The following ZNF25 variants were observed in gnomAD, a reference collection of about 807,000 sequenced individuals.
ZNF25 encodes the protein zinc finger protein 25 (KOX 19).
A neutral mutation model predicts 30.9 loss-of-function variants in ZNF25; 21 were observed. The ratio of observed to expected loss-of-function variants is 0.68; its 90% CI spans 0.48 to 0.98. The LOEUF is 0.98. Ranked by LOEUF, ZNF25 falls within the 50% of genes least tolerant of loss-of-function variation. The pLI, the probability that ZNF25 is intolerant of heterozygous loss-of-function variation, is 0.00. For missense variants in ZNF25, 501 were observed against 529.9 expected (o/e 0.95, Z 0.54); for synonymous variants, 169 against 181.3 (o/e 0.93, Z 0.55).
At chr10:37,963,115 T>C (rs535301441) in intron 2 of ZNF25, among the ~76,000 whole-genome samples, 25 of 151,532 alleles carry the variant, frequency 1.6e-4, no homozygotes, top group Non-Finnish European at 2.9e-4. Flanking sequence ...TCTATTTATT[T>C]ATTTATTTAT....
At chr10:37,962,764 A>G (rs1371458183) in intron 2 of ZNF25, among the ~76,000 whole-genome samples, 3 of 152,232 alleles carry the variant, frequency 2.0e-5, no homozygotes, top group African/African-American at 7.2e-5. Flanking sequence ...GGATAATAAA[A>G]GAATACTAAG....
chr10:37,961,260 C>T (rs2062853331), intron 2 of ZNF25, among the ~76,000 whole-genome samples: 1 of 152,138 alleles, frequency 6.6e-6, no homozygotes, highest in Admixed American at 6.5e-5. Context: ...CGTTGAAATA[C>T]ATCTGTATTT....
chr10:37,971,885 T>C (rs2063512790), intron 1 of ZNF25, 78 bp from the exon 2 acceptor site: 2 of 920,456 alleles, frequency 2.2e-6, no homozygotes, highest in South Asian at 1.5e-5. Context: ...TTAGAAAGCA[T>C]AGTAAGGACC....
rs922231424 is a variant in ZNF25, at chr10:37,976,513, G to A, written c.-93C>T. ...CAAAAGCCTTCGACACACCTGCAGG[G>A]TCTCGGCCTCTGCTCCCGGCCCGCG... On this transcript the variant is annotated 5_prime_UTR_variant, in exon 1 of 6. Coordinates refer to ENST00000302609, the MANE Select transcript of ZNF25 (RefSeq NM_145011.4). 3 of 152,424 alleles carry A rather than the reference G, an allele frequency of 2.0e-5. No homozygotes were observed. Among genetic ancestry groups the A allele is most frequent in the Admixed American group, 1.3e-4 (2 of 15,286 alleles). 9.4% of individuals were successfully genotyped at this position (152,424 alleles called of 1,614,324 possible). A position where few individuals can be genotyped will look rare whatever the true frequency, so the allele number is the denominator to read the frequency against.
intron 2 of ZNF25, among the ~76,000 whole-genome samples, chr10:37,964,661 T>C (rs1297774828): frequency 6.6e-6 from 1 of 152,062 alleles, no homozygotes; most frequent in African/African-American, 2.4e-5. Flanking sequence ...TTTGATCAAA[T>C]ATAGGAGCAA....
intron 2 of ZNF25, among the ~76,000 whole-genome samples, chr10:37,967,732 C>G (rs967516602): frequency 6.6e-6 from 1 of 152,056 alleles, no homozygotes; most frequent in African/African-American, 2.4e-5. Flanking sequence ...ACGAGGCTGT[C>G]AAGACCATTC....
At chr10:37,975,004 C>A (rs762899309) in intron 1 of ZNF25, among the ~76,000 whole-genome samples, 23 of 152,068 alleles carry the variant, frequency 1.5e-4, no homozygotes, top group African/African-American at 2.2e-4. Context: ...ATGAAATAAG[C>A]CAGGCACAGA....
In ZNF25 at chr10:37,952,738, CT is replaced by C. The variant is rs1387789535; in HGVS notation, c.759del (p.Glu255ArgfsTer127). On this transcript the variant is annotated frameshift_variant, in exon 6 of 6. Transcript: ENST00000302609. LOFTEE classifies it high-confidence loss of function. ...AYLMVHQKTH[T>X]GEKPYECKEC... The stretch of plus-strand genomic sequence containing the variant: ...TCCTTACACTCATAGGGTTTCTCCC[CT>C]GTGTGTGTTTTCTGATGTACCATGA... The C allele has an allele frequency of 3.1e-6, 5 of 1,613,866 alleles. No homozygotes were observed. The highest frequency in any genetic ancestry group is 2.2e-5 in the East Asian group (1 of 44,846).
intron 1 of ZNF25, among the ~76,000 whole-genome samples, chr10:37,975,399 CTAAAA>C (rs2063749929): frequency 1.5e-5 from 2 of 129,072 alleles, no homozygotes; most frequent in Non-Finnish European, 3.4e-5. Context: ...AAAAAAAAAA[CTAAAA>C]TAAGCAGCAA....
chr10:37,968,247 G>A (rs960837780), intron 2 of ZNF25, among the ~76,000 whole-genome samples: 1 of 151,880 alleles, frequency 6.6e-6, no homozygotes, highest in Non-Finnish European at 1.5e-5. Flanking sequence ...TAACAGACAT[G>A]GAGTTTCACC....
rs1478205810 is a variant in ZNF25, at chr10:37,952,197, GT to G, written c.1300del (p.Thr434ProfsTer54). The G allele has an allele frequency of 1.2e-6, 2 of 1,612,518 alleles. No homozygotes were observed. Among genetic ancestry groups the G allele is most frequent in the Admixed American group, 3.3e-5 (2 of 59,748 alleles). Reference protein sequence around the residue: ...KPYECQECGETFIQKSQLTAH... With the variant: ...KPYECQECGEXFIQKSQLTAH... The stretch of plus-strand genomic sequence containing the variant: ...AGTGAGTTGTGACTTCTGGATAAAG[GT>G]TTCCCCACACTCCTGACACTCATAG... On this transcript the variant is annotated frameshift_variant, in exon 6 of 6. Coordinates refer to ENST00000302609, the MANE Select transcript of ZNF25 (RefSeq NM_145011.4). LOFTEE classifies it low-confidence loss of function (END_TRUNC).
chr10:37,950,108 C>T lies in ZNF25; in HGVS notation c.*2019G>A, dbSNP rs1170416127. 1 of 152,582 alleles carries T rather than the reference C, an allele frequency of 6.6e-6. No homozygotes were observed. Among genetic ancestry groups the T allele is most frequent in the Non-Finnish European group, 1.5e-5 (1 of 68,028 alleles). 9.5% of individuals were successfully genotyped at this position (152,582 alleles called of 1,614,324 possible). ...AAATACTTATAAAAGCGTAACTCTA[C>T]ATTGCTTTTATTTTCAGCTCTAAGT... is the stretch of plus-strand genomic sequence containing the variant. On this transcript the variant is annotated 3_prime_UTR_variant, in exon 6 of 6. Transcript: ENST00000302609.
At chr10:37,975,521 G>A (rs1197550954) in intron 1 of ZNF25, among the ~76,000 whole-genome samples, 2 of 152,126 alleles carry the variant, frequency 1.3e-5, no homozygotes, top group African/African-American at 4.8e-5. Context: ...CTGATGAACT[G>A]CAGTTTTCAT....
chr10:37,957,295 T>C, intron 3 of ZNF25, 125 bp downstream of exon 3: 3 of 1,376,210 alleles, frequency 2.2e-6, no homozygotes, highest in Non-Finnish European at 3.0e-6. Context: ...AATGGATTTA[T>C]TAACTTCGAC....
chr10:37,970,198 A>G (rs140280949), intron 2 of ZNF25, among the ~76,000 whole-genome samples: 1 of 152,224 alleles, frequency 6.6e-6, no homozygotes, highest in African/African-American at 2.4e-5. Flanking sequence ...ACTGATCAAT[A>G]TTCCTCATGG....
chr10:37,952,058 GTACCTCT>G lies in ZNF25; in HGVS notation c.*62_*68del. On this transcript the variant is annotated 3_prime_UTR_variant, in exon 6 of 6. Transcript: ENST00000302609. ...CCTCTATTGATGCGATTCATAAGGT[GTACCTCT>G]TGTGTGAATTATCTGATTGTTTTGA... 1 of 1,437,636 alleles carries G rather than the reference GTACCTCT, an allele frequency of 7.0e-7. No homozygotes were observed. Among genetic ancestry groups the G allele is most frequent in the Non-Finnish European group, 9.4e-7 (1 of 1,065,494 alleles). 89.1% of individuals were successfully genotyped at this position (1,437,636 alleles called of 1,614,324 possible).
intron 1 of ZNF25, 122 bp from the exon 2 acceptor site, chr10:37,971,929 C>T (rs2063515605): frequency 1.6e-6 from 1 of 610,196 alleles, no homozygotes; most frequent in Non-Finnish European, 2.9e-6. Flanking sequence ...CCACTTCTGA[C>T]TCTGATATTA....
rs1421301538 is a variant in ZNF25, at chr10:37,953,291, ACCGATTTC to A, written c.303-104_303-97del. The A allele has an allele frequency of 8.7e-6, 10 of 1,147,078 alleles. No individual in the cohort carries two copies. In the African/African-American group the frequency reaches 1.6e-4, roughly 18 times the overall value. 71.1% of individuals were successfully genotyped at this position (1,147,078 alleles called of 1,614,324 possible). A position where few individuals can be genotyped will look rare whatever the true frequency, so the allele number is the denominator to read the frequency against. On this transcript the variant is annotated intron_variant, in intron 5 of 5. Coordinates refer to ENST00000302609, the MANE Select transcript of ZNF25 (RefSeq NM_145011.4). ...GCGTATTTTCCAAGTACCTCTGAGG[ACCGATTTC>A]TAGAGATGTTCCCATATTTACTGGA...
At chr10:37,974,883 T>C (rs1024223784) in intron 1 of ZNF25, among the ~76,000 whole-genome samples, 2 of 152,162 alleles carry the variant, frequency 1.3e-5, no homozygotes, top group Non-Finnish European at 2.9e-5. Context: ...AATGCATGAA[T>C]AGATAATGAA....
Sources: gnomAD v4.1 joint callset for allele counts (sites outside exome capture counted in the v4.1 genomes callset) on GRCh38, gnomAD v4.1.1 for gene constraint, MANE v1.5 for transcripts, NCBI Gene and HGNC (gene_info 2026-07-23, HGNC 2026-07-21) for gene names.